DIS3L2: variants seen among roughly 807,000 people sequenced by gnomAD.
DIS3L2 encodes the protein DIS3-like exonuclease 2.
In DIS3L2, 34 loss-of-function variants were observed where a neutral mutation model predicts 97.5. The observed-to-expected ratio is 0.35, with a 90% confidence interval of 0.27 to 0.46. The LOEUF is 0.46. Among genes scored for constraint, DIS3L2 ranks in the 20% least tolerant of loss-of-function variants. The probability of loss-of-function intolerance (pLI) is 1.00; values close to 1 mark genes in which losing one functional copy is unlikely to be tolerated. For synonymous variants in DIS3L2, 435 were observed against 445.2 expected (o/e 0.98, Z 0.29); for missense variants, 1,038 against 1,146.0 (o/e 0.91, Z 1.36).
rs548299061 is a variant in DIS3L2, at chr2:232,024,750, CT to C, written c.264+431del. Among the ~76,000 whole-genome samples the C allele has an allele frequency of 4.9e-3, 715 of 145,216 alleles. 1 individual carries two copies. The highest frequency in any genetic ancestry group is 0.013 in the African/African-American group (529 of 39,914). On this transcript the variant is annotated intron_variant, in intron 4 of 20. Transcript: ENST00000325385. ...ATTTGTCCAAAAATAACGTGTAATG[CT>C]TTTTTTTTTTGGTGGGGGTCAGAGT...
At chr2:232,175,528 G>A (rs1226997117) in intron 9 of DIS3L2, among the ~76,000 whole-genome samples, 1 of 152,060 alleles carries the variant, frequency 6.6e-6, no homozygotes, top group Non-Finnish European at 1.5e-5. Context: ...AATGAGTTTT[G>A]GAAGAGTTTG....
chr2:231,981,637 T>TATATATGA (rs1553596974), intron 1 of DIS3L2, among the ~76,000 whole-genome samples: 3 of 133,954 alleles, frequency 2.2e-5, no homozygotes, highest in Admixed American at 7.7e-5. Context: ...TATATATATA[T>TATATATGA]GAGACATATT....
At chr2:232,047,759 T>A (rs1018571419) in intron 5 of DIS3L2, among the ~76,000 whole-genome samples, 1 of 152,210 alleles carries the variant, frequency 6.6e-6, no homozygotes, top group African/African-American at 2.4e-5. Flanking sequence ...TAACCACTAA[T>A]CTGTTTTCTG....
chr2:232,197,919 C>T (rs1196881082), intron 9 of DIS3L2, among the ~76,000 whole-genome samples: 2 of 151,208 alleles, frequency 1.3e-5, no homozygotes, highest in African/African-American at 2.4e-5. Flanking sequence ...GAGCGGAGAC[C>T]GCACCACTGC....
intron 5 of DIS3L2, among the ~76,000 whole-genome samples, chr2:232,059,131 A>G (rs1695630824): frequency 6.6e-6 from 1 of 152,180 alleles, no homozygotes; most frequent in African/African-American, 2.4e-5. Flanking sequence ...TTCTTGGCTG[A>G]TATTTTGTAT....
chr2:232,066,457 T>C (rs1410210929), intron 5 of DIS3L2, among the ~76,000 whole-genome samples: 1 of 152,016 alleles, frequency 6.6e-6, no homozygotes, highest in East Asian at 1.9e-4. Flanking sequence ...TTTTTATTCA[T>C]TGGTTTGGTT....
At chr2:232,203,156 G>A (rs1461684916) in intron 9 of DIS3L2, among the ~76,000 whole-genome samples, 1 of 152,184 alleles carries the variant, frequency 6.6e-6, no homozygotes, top group Non-Finnish European at 1.5e-5. Flanking sequence ...CTAAGAAAGT[G>A]TTGGACTGAA....
chr2:232,215,082 G>A (rs1253756604), intron 10 of DIS3L2, among the ~76,000 whole-genome samples: 3 of 152,130 alleles, frequency 2.0e-5, no homozygotes, highest in East Asian at 1.9e-4. Flanking sequence ...AACCACTAGG[G>A]GAAAAGGAGT....
intron 6 of DIS3L2, among the ~76,000 whole-genome samples, chr2:232,109,809 A>G (rs901923186): frequency 4.6e-5 from 7 of 152,234 alleles, no homozygotes; most frequent in East Asian, 1.9e-4. Context: ...GGTACCAGCA[A>G]TGATTTCATG....
chr2:232,262,690 A>G (rs1243359787), intron 12 of DIS3L2, among the ~76,000 whole-genome samples: 1 of 152,178 alleles, frequency 6.6e-6, no homozygotes, highest in African/African-American at 2.4e-5. Flanking sequence ...CTGTCTCTAC[A>G]TATGTGCCCC....
At chr2:232,147,428 A>G (rs183178009) in intron 8 of DIS3L2, among the ~76,000 whole-genome samples, 3 of 152,284 alleles carry the variant, frequency 2.0e-5, no homozygotes, top group Admixed American at 6.5e-5. Flanking sequence ...ACTTTCTTCA[A>G]ACTTTCTTGT....
rs111484613 is a variant in DIS3L2, at chr2:232,166,072, C to CAATAAATAAATAAATA, written c.1124+2471_1124+2486dup. ...GGTCCTTAGTGAGACCCTGTCTCTA[C>CAATAAATAAATAAATA]AATAAATAAATAAATAAATAAATAA... On this transcript the variant is annotated intron_variant, in intron 9 of 20. Transcript: ENST00000325385. Among the ~76,000 whole-genome samples the CAATAAATAAATAAATA allele has an allele frequency of 9.6e-4, 132 of 138,134 alleles. 1 individual carries two copies. In the East Asian group the frequency reaches 0.013, roughly 13 times the overall value. 90.6% of individuals were successfully genotyped at this position (138,134 alleles called of 152,430 possible). A position where few individuals can be genotyped will look rare whatever the true frequency, so the allele number is the denominator to read the frequency against.
intron 14 of DIS3L2, among the ~76,000 whole-genome samples, chr2:232,308,786 C>T (rs2106328569): frequency 6.6e-6 from 1 of 152,306 alleles, no homozygotes; most frequent in South Asian, 2.1e-4. Context: ...TGCCCCCTGC[C>T]CGTGGGGGCT....
At chr2:232,241,208 G>A (rs544415026) in intron 11 of DIS3L2, among the ~76,000 whole-genome samples, 1 of 152,254 alleles carries the variant, frequency 6.6e-6, no homozygotes. Context: ...CTTTTCTGCT[G>A]TTTTCACTTT....
chr2:232,087,193 A>G (rs937363248), intron 5 of DIS3L2, among the ~76,000 whole-genome samples: 18 of 152,090 alleles, frequency 1.2e-4, no homozygotes, highest in Admixed American at 6.5e-4. Flanking sequence ...TACTTCTGGT[A>G]TTCAGGGCCT....
intron 13 of DIS3L2, among the ~76,000 whole-genome samples, chr2:232,270,863 T>TCTCTCTCC (rs1693975007): frequency 3.4e-4 from 5 of 14,850 alleles, no homozygotes; most frequent in Admixed American, 2.2e-3. Context: ...TTTTCTCGTC[T>TCTCTCTCC]CTCTCTCTCT....
chr2:232,322,748 G>A (rs1234217683), intron 14 of DIS3L2, among the ~76,000 whole-genome samples: 3 of 152,332 alleles, frequency 2.0e-5, no homozygotes, highest in South Asian at 2.1e-4. Context: ...GTGTAAGAGC[G>A]TGTGTATGTG....
chr2:232,200,175 T>C (rs1173088911), intron 9 of DIS3L2, among the ~76,000 whole-genome samples: 5 of 152,186 alleles, frequency 3.3e-5, no homozygotes, highest in Non-Finnish European at 5.9e-5. Flanking sequence ...AAGAACTTTA[T>C]GGTATTAGAT....
rs539398885 is a variant in DIS3L2 at position 232,131,108 on chromosome 2, G to A, written c.702+389G>A. On this transcript the variant is annotated intron_variant, in intron 7 of 20. Coordinates refer to ENST00000325385, the MANE Select transcript of DIS3L2 (RefSeq NM_152383.5). ...CAGTTTTTGCTCCAATTTTTTTGTT[G>A]TTACCATGCCCATACCTAATTTAAA... 4 of 176,574 alleles carry A rather than the reference G, an allele frequency of 2.3e-5. No homozygotes were observed. In the South Asian group the frequency reaches 5.9e-4, roughly 26 times the overall value. 10.9% of individuals were successfully genotyped at this position (176,574 alleles called of 1,614,324 possible).
Sources: gnomAD v4.1 joint callset for allele counts (sites outside exome capture counted in the v4.1 genomes callset) on GRCh38, gnomAD v4.1.1 for gene constraint, MANE v1.5 for transcripts, NCBI Gene and HGNC (gene_info 2026-07-23, HGNC 2026-07-21) for gene names.